RBFOX1: variants seen among roughly 807,000 people sequenced by gnomAD.
RBFOX1 encodes RNA binding protein fox-1 homolog 1.
RBFOX1 carries 8 observed loss-of-function variants against 57.7 expected under a neutral mutation model. The observed-to-expected ratio is 0.14, with a 90% CI of 0.08 to 0.25. The LOEUF is 0.25. Ranked by LOEUF, RBFOX1 falls within the 10% of genes least tolerant of loss-of-function variation. RBFOX1 has a pLI of 1.00. For missense variants in RBFOX1, 611 were observed against 548.5 expected (o/e 1.11, Z -1.14); for synonymous variants, 326 against 222.4 (o/e 1.47, Z -4.15).
At chr16:5,794,290 A>T (rs2054801435) in intron 3 of RBFOX1, among the ~76,000 whole-genome samples, 1 of 149,696 alleles carries the variant, frequency 6.7e-6, no homozygotes, top group South Asian at 2.1e-4. Context: ...TCCCTCCTTC[A>T]CCTTCCCTTC....
At chr16:7,603,288 T>A (rs1490863605) in intron 9 of RBFOX1, among the ~76,000 whole-genome samples, 2 of 152,208 alleles carry the variant, frequency 1.3e-5, no homozygotes, top group African/African-American at 4.8e-5. Context: ...TTAGTTTCTT[T>A]AGAGAAAAAC....
intron 4 of RBFOX1, among the ~76,000 whole-genome samples, chr16:7,375,251 G>A (rs560326838): frequency 6.6e-6 from 1 of 152,184 alleles, no homozygotes; most frequent in Non-Finnish European, 1.5e-5. Context: ...GACACAGTCT[G>A]TATTCAAAGA....
chr16:5,420,924 C>G (rs1384960626), intron 1 of RBFOX1, among the ~76,000 whole-genome samples: 1 of 132,550 alleles, frequency 7.5e-6, no homozygotes, highest in African/African-American at 2.8e-5. Context: ...TCCACCCCTC[C>G]TCCTCCCCCT....
chr16:7,267,920 C>T (rs1360692127), intron 4 of RBFOX1, among the ~76,000 whole-genome samples: 2 of 152,192 alleles, frequency 1.3e-5, no homozygotes, highest in African/African-American at 4.8e-5. Context: ...TCAGTACAGT[C>T]ATGCAGCACT....
chr16:6,936,904 C>T (rs1006268847), intron 3 of RBFOX1, among the ~76,000 whole-genome samples: 6 of 134,528 alleles, frequency 4.5e-5, no homozygotes, highest in South Asian at 2.3e-4. Context: ...GTGTGATGTT[C>T]CCCTTCCTGT....
chr16:6,524,351 C>G (rs892623843), intron 2 of RBFOX1, among the ~76,000 whole-genome samples: 2 of 152,138 alleles, frequency 1.3e-5, no homozygotes, highest in African/African-American at 4.8e-5. Context: ...CTGAATAGTA[C>G]TCCATTGTGT....
chr16:5,350,739 G>A (rs542939048), intron 1 of RBFOX1, among the ~76,000 whole-genome samples: 10 of 152,240 alleles, frequency 6.6e-5, no homozygotes, highest in African/African-American at 2.4e-4. Flanking sequence ...GGTAGTGGGC[G>A]CCTGTAACCC....
At chr16:7,694,884 G>A (rs2078297147) in intron 14 of RBFOX1, among the ~76,000 whole-genome samples, 1 of 152,184 alleles carries the variant, frequency 6.6e-6, no homozygotes, top group South Asian at 2.1e-4. Flanking sequence ...GTGCACTAGA[G>A]CTTCTGCCTT....
chr16:7,686,705 G>A (rs1480559147), intron 14 of RBFOX1, among the ~76,000 whole-genome samples: 1 of 152,052 alleles, frequency 6.6e-6, no homozygotes, highest in Non-Finnish European at 1.5e-5. Flanking sequence ...AGAAACTGAG[G>A]TCCAGACAGG....
At chr16:6,655,030 A>G (rs2098637127) in intron 3 of RBFOX1, among the ~76,000 whole-genome samples, 1 of 151,788 alleles carries the variant, frequency 6.6e-6, no homozygotes, top group South Asian at 2.1e-4. Context: ...AGAATATATA[A>G]TATTAGGCTT....
intron 4 of RBFOX1, among the ~76,000 whole-genome samples, chr16:5,901,331 A>T (rs9929090): frequency 6.6e-6 from 1 of 151,942 alleles, no homozygotes; most frequent in Non-Finnish European, 1.5e-5. Flanking sequence ...TGTTGGGGTT[A>T]CCTTTTATAA....
chr16:5,721,699 C>A (rs1296238384), intron 3 of RBFOX1, among the ~76,000 whole-genome samples: 1 of 152,144 alleles, frequency 6.6e-6, no homozygotes, highest in Non-Finnish European at 1.5e-5. Flanking sequence ...TTGCCAAATG[C>A]TTTCTCTGCA....
At chr16:5,739,447 A>T (rs1415367603) in intron 3 of RBFOX1, among the ~76,000 whole-genome samples, 1 of 152,246 alleles carries the variant, frequency 6.6e-6, no homozygotes, top group Non-Finnish European at 1.5e-5. Flanking sequence ...AAAATAAGTA[A>T]GTTATAAGGA....
chr16:6,269,794 G>A (rs2074984280), intron 1 of RBFOX1, among the ~76,000 whole-genome samples: 2 of 152,120 alleles, frequency 1.3e-5, no homozygotes, highest in Non-Finnish European at 2.9e-5. Flanking sequence ...ACATCAGCAA[G>A]GAGGAAAACA....
intron 1 of RBFOX1, among the ~76,000 whole-genome samples, chr16:5,363,133 A>C (rs2065602160): frequency 6.7e-6 from 1 of 149,736 alleles, no homozygotes; most frequent in South Asian, 2.1e-4. Context: ...TCCTGGGTTC[A>C]AGCGAGTCTC....
chr16:6,275,453 T>G (rs2075703002), intron 1 of RBFOX1, among the ~76,000 whole-genome samples: 1 of 152,232 alleles, frequency 6.6e-6, no homozygotes, highest in Admixed American at 6.5e-5. Flanking sequence ...CCTGATCTCA[T>G]TCGCATCTCA....
chr16:7,100,469 A>C (rs2062485243), intron 4 of RBFOX1, among the ~76,000 whole-genome samples: 1 of 152,164 alleles, frequency 6.6e-6, no homozygotes, highest in East Asian at 1.9e-4. Context: ...TTCCTCCAAA[A>C]CAGAATCATA....
intron 4 of RBFOX1, among the ~76,000 whole-genome samples, chr16:7,294,358 C>T (rs531785422): frequency 5.7e-4 from 86 of 152,176 alleles, no homozygotes; most frequent in African/African-American, 2.0e-3. Context: ...AGGAAGGCTG[C>T]TATAGGAACT....
intron 2 of RBFOX1, among the ~76,000 whole-genome samples, chr16:5,586,932 T>A (rs1206102150): frequency 6.6e-6 from 1 of 152,240 alleles, no homozygotes; most frequent in Non-Finnish European, 1.5e-5. Flanking sequence ...TAGCAGGTTC[T>A]TAAATGTTAC....
Sources: allele counts gnomAD v4.1 joint callset (sites outside exome capture counted in the v4.1 genomes callset), GRCh38; gene constraint gnomAD v4.1.1; transcripts MANE v1.5; gene names NCBI Gene and HGNC (gene_info 2026-07-23, HGNC 2026-07-21).